The following ANK3 variants were observed in gnomAD, a reference collection of about 807,000 sequenced individuals.
ANK3 encodes the protein ankyrin-3.
A neutral mutation model predicts 370.9 loss-of-function variants in ANK3; 57 were observed. That is an observed-to-expected ratio of 0.15 (90% CI 0.12 to 0.19). The LOEUF (loss-of-function observed/expected upper bound fraction) is 0.19, where lower values mean the gene tolerates loss of function less well. ANK3 is among the 10% of genes least tolerant of loss of function. ANK3 has a pLI of 1.00. For missense variants in ANK3, 4,439 were observed against 5,302.1 expected (o/e 0.84, Z 5.06); for synonymous variants, 1,929 against 1,946.3 (o/e 0.99, Z 0.23).
intron 1 of ANK3, among the ~76,000 whole-genome samples, chr10:60,356,771 CA>C (rs569756828): frequency 2.0e-4 from 30 of 152,258 alleles, no homozygotes; most frequent in African/African-American, 7.0e-4. Context: ...TGCAGTGGTG[CA>C]AACTCAGCTC....
intron 1 of ANK3, among the ~76,000 whole-genome samples, chr10:60,321,126 C>T (rs773674385): frequency 2.6e-5 from 4 of 152,102 alleles, no homozygotes; most frequent in Non-Finnish European, 5.9e-5. Context: ...CATGGTGGCT[C>T]ACACCTGTAA....
chr10:60,498,378 CT>C (rs1473949493), intron 2 of ANK3, among the ~76,000 whole-genome samples: 10 of 152,160 alleles, frequency 6.6e-5, no homozygotes, highest in African/African-American at 2.4e-4. Flanking sequence ...TATCTTTTGA[CT>C]TCATGACCTT....
chr10:60,722,668 G>C (rs949822477), intron 1 of ANK3, among the ~76,000 whole-genome samples: 2 of 152,100 alleles, frequency 1.3e-5, no homozygotes, highest in African/African-American at 4.8e-5. Context: ...TTGGAGGTGG[G>C]GCCCGGTGGG....
At chr10:60,051,149 T>C (rs944994806) in intron 42 of ANK3, among the ~76,000 whole-genome samples, 6 of 152,354 alleles carry the variant, frequency 3.9e-5, no homozygotes, top group African/African-American at 1.2e-4. Context: ...TCATTTGATA[T>C]GAACTACTGT....
intron 18 of ANK3, 115 bp from the exon 19 acceptor site, chr10:60,173,301 G>GT (rs1303209754): frequency 5.0e-6 from 4 of 805,914 alleles, no homozygotes; most frequent in Non-Finnish European, 5.7e-6. Context: ...GCAAAAGTAG[G>GT]TTTTTTTCTT....
intron 1 of ANK3, among the ~76,000 whole-genome samples, chr10:60,678,065 T>C (rs2079149541): frequency 6.6e-6 from 1 of 152,178 alleles, no homozygotes; most frequent in African/African-American, 2.4e-5. Context: ...GAACAAATGA[T>C]ATAAAACACA....
At chr10:60,264,507 G>A (rs1193247703) in intron 5 of ANK3, among the ~76,000 whole-genome samples, 1 of 151,912 alleles carries the variant, frequency 6.6e-6, no homozygotes, top group Non-Finnish European at 1.5e-5. Flanking sequence ...TTGGCCGAGG[G>A]TGGTGGATGC....
rs1171190682 is a variant in ANK3 at position 60,063,166 on chromosome 10, A to C, written c.12540T>G (p.Ile4180Met). ...CATCTGCAAAACTTCTGGTGCCTGA[A>C]ATATTTCCATAATCAAATATTGGTC... The part of the protein sequence containing the change: ...LEGPIFDYGN[I>M]SGTRSFADEN... The change falls in exon 40 of 44, where the codon ATT becomes ATG. Residue 4180 changes from isoleucine (I) to methionine (M), a missense_variant. Transcript: ENST00000280772. 2 of 1,613,642 alleles carry C rather than the reference A, an allele frequency of 1.2e-6. No homozygotes were observed. The highest frequency in any genetic ancestry group is 1.1e-5 in the South Asian group (1 of 91,028).
intron 16 of ANK3, among the ~76,000 whole-genome samples, 165 bp from the exon 17 acceptor site, chr10:60,187,077 G>T (rs1453611045): frequency 6.6e-6 from 1 of 152,072 alleles, no homozygotes; most frequent in East Asian, 1.9e-4. Context: ...TGAATATAGT[G>T]CCCTCATGTA....
intron 1 of ANK3, among the ~76,000 whole-genome samples, chr10:60,665,273 T>C (rs916687784): frequency 6.6e-6 from 1 of 152,202 alleles, no homozygotes; most frequent in African/African-American, 2.4e-5. Context: ...CCACTCTTAT[T>C]TTGTTTGAAC....
chr10:60,185,670 T>C (rs1292425490), intron 17 of ANK3, among the ~76,000 whole-genome samples: 2 of 152,156 alleles, frequency 1.3e-5, no homozygotes, highest in Non-Finnish European at 2.9e-5. Flanking sequence ...GAAGAGAAGC[T>C]AAATGCCAGA....
chr10:60,089,597 GTGTT>G (rs2132031868), intron 28 of ANK3, among the ~76,000 whole-genome samples: 1 of 152,184 alleles, frequency 6.6e-6, no homozygotes, highest in African/African-American at 2.4e-5. Context: ...GGCATAATAA[GTGTT>G]TGAGATTAGC....
intron 2 of ANK3, among the ~76,000 whole-genome samples, chr10:60,492,847 C>T (rs1232384006): frequency 2.7e-5 from 4 of 150,788 alleles, no homozygotes; most frequent in Non-Finnish European, 4.4e-5. Context: ...GAGGCCGAGA[C>T]AGGCAGATCA....
chr10:60,631,042 T>C (rs928506485), intron 1 of ANK3, among the ~76,000 whole-genome samples: 4 of 152,092 alleles, frequency 2.6e-5, no homozygotes, highest in African/African-American at 9.7e-5. Context: ...GGGGAATCAA[T>C]TATGACTCCC....
chr10:60,689,550 G>A (rs901123871), intron 1 of ANK3, among the ~76,000 whole-genome samples: 6 of 151,992 alleles, frequency 3.9e-5, no homozygotes, highest in Non-Finnish European at 7.4e-5. Context: ...TCAGGAGTTC[G>A]AGACCAGCCT....
chr10:60,410,617 G>A (rs1383823753), intron 2 of ANK3, among the ~76,000 whole-genome samples: 1 of 152,142 alleles, frequency 6.6e-6, no homozygotes, highest in Non-Finnish European at 1.5e-5. Flanking sequence ...AGGGGATGCA[G>A]ATTGATGTGA....
At chr10:60,572,538 A>T in intron 2 of ANK3, 1 of 1,535,330 alleles carries the variant, frequency 6.5e-7, no homozygotes, top group Non-Finnish European at 8.7e-7. Flanking sequence ...CTTTCCTTTA[A>T]ATCAGGTGAG....
rs72822827 is a variant in ANK3 at position 60,570,942 on chromosome 10, G to A, written c.96+44244C>T. The stretch of plus-strand genomic sequence containing the variant: ...TGCTCACTCTAATATGGATTGCACC[G>A]TCGTGGTTCATGTGTCTGTCTCGGC... On this transcript the variant is annotated intron_variant, in intron 2 of 43. Coordinates refer to the ANK3 transcript ENST00000373827. 7.2e-3 allele frequency among the ~76,000 whole-genome samples: 1,089 copies of A among 152,118 alleles called. 2 individuals carry two copies. The highest frequency in any genetic ancestry group is 0.012 in the Non-Finnish European group (820 of 67,978).
intron 8 of ANK3, 152 bp downstream of exon 8, chr10:60,234,536 T>A: frequency 1.9e-6 from 1 of 537,124 alleles, no homozygotes; most frequent in Non-Finnish European, 3.4e-6. Flanking sequence ...CCATACCATT[T>A]TAAAAAGAAT....
Sources: gnomAD v4.1 joint callset for allele counts (sites outside exome capture counted in the v4.1 genomes callset) on GRCh38, gnomAD v4.1.1 for gene constraint, MANE v1.5 for transcripts, NCBI Gene and HGNC (gene_info 2026-07-23, HGNC 2026-07-21) for gene names.